Variants in GGA1 observed in about 807,000 individuals in gnomAD.
The protein encoded by GGA1 is golgi associated, gamma adaptin ear containing, ARF binding protein 1.
In GGA1, 18 loss-of-function variants were observed where a neutral mutation model predicts 76.9. The observed-to-expected ratio is 0.23, with a 90% CI of 0.16 to 0.35. GGA1 has a LOEUF of 0.35. GGA1 is among the 10% of genes least tolerant of loss of function. The pLI, the probability that GGA1 is intolerant of heterozygous loss-of-function variation, is 1.00. For missense variants in GGA1, 755 were observed against 859.0 expected, an observed-to-expected ratio of 0.88 and a Z score of 1.51; for synonymous variants, 342 against 354.7, an observed-to-expected ratio of 0.96 and a Z score of 0.40.
Position 37,608,887 on chromosome 22 carries a change from T to G in GGA1, c.27T>G (p.Thr9=), listed in dbSNP as rs1281450253. 5 of 1,313,006 alleles carry G rather than the reference T, an allele frequency of 3.8e-6. No homozygotes were observed. The highest frequency in any genetic ancestry group is 4.8e-6 in the Non-Finnish European group (5 of 1,031,058). 81.3% of individuals were successfully genotyped at this position (1,313,006 alleles called of 1,614,324 possible). A position where few individuals can be genotyped will look rare whatever the true frequency, so the allele number is the denominator to read the frequency against. The change falls in exon 1 of 17, where the codon ACT becomes ACG. Residue 9 remains threonine, a synonymous_variant. Transcript: ENST00000343632. The part of the protein sequence containing the change: MEPAMEPE[T]LEARINRATN... ...TGGAGCCCGCGATGGAGCCGGAGAC[T>G]CTGGAGGCGCGAATCAGTGAGTGTC...
intron 13 of GGA1, 199 bp downstream of exon 13, chr22:37,630,369 TC>T (rs1157557306): frequency 2.1e-5 from 11 of 526,580 alleles, no homozygotes; most frequent in East Asian, 6.9e-5. Context: ...TGGCCTGGCC[TC>T]CCCCCAGGTG....
intron 12 of GGA1, 70 bp downstream of exon 12, chr22:37,629,596 TG>T: frequency 1.0e-6 from 1 of 1,004,722 alleles, no homozygotes; most frequent in African/African-American, 1.7e-5. Context: ...ACAAGTGGCC[TG>T]GAGAAACTAA....
intron 13 of GGA1, 70 bp downstream of exon 13, chr22:37,630,240 G>T: frequency 8.2e-7 from 1 of 1,215,520 alleles, no homozygotes. Context: ...AACTTCTCCT[G>T]GGCTTGTCCA....
In GGA1 at chr22:37,629,442, C is replaced by G; in HGVS notation, c.1094-20C>G. 2 of 1,582,118 alleles carry G rather than the reference C, an allele frequency of 1.3e-6. No homozygotes were observed. The highest frequency in any genetic ancestry group is 1.7e-6 in the Non-Finnish European group (2 of 1,160,370). On this transcript the variant is annotated intron_variant, in intron 11 of 16. Transcript: ENST00000343632. ...CAGGGTCAGCCCAGCTCCTTCACCT[C>G]TCTCCTGCTTTCCCCTCAGGCCTCA...
Position 37,632,367 on chromosome 22 carries a change from C to A in GGA1, c.1699-38C>A. On this transcript the variant is annotated intron_variant, in intron 15 of 16. Transcript: ENST00000343632. The surrounding 1 kb of genome is among the most constrained non-coding windows in gnomAD (Gnocchi z 5.1). ...TGGTTCCTCAGAGCAGGACAAGCAG[C>A]CAGGGCTAGCTGTGCCCATCCTGCC... 1 of 1,464,910 alleles carries A rather than the reference C, an allele frequency of 6.8e-7. No homozygotes were observed. The highest frequency in any genetic ancestry group is 9.6e-7 in the Non-Finnish European group (1 of 1,044,384). The allele number at this position is 1,464,910 out of a possible 1,614,324, so 90.7% of individuals were successfully genotyped here. A position where few individuals can be genotyped will look rare whatever the true frequency, so the allele number is the denominator to read the frequency against.
intron 1 of GGA1, 30 bp downstream of exon 1, chr22:37,608,933 C>G: frequency 7.6e-7 from 1 of 1,321,706 alleles, no homozygotes. Flanking sequence ...GCGGGCCGGA[C>G]CGGAACCGGA....
At chr22:37,615,306 G>A (rs750305479) in intron 2 of GGA1, among the ~76,000 whole-genome samples, 7 of 151,268 alleles carry the variant, frequency 4.6e-5, no homozygotes, top group African/African-American at 1.2e-4. Flanking sequence ...AAAATTAGCC[G>A]GGCATGGTGG....
chr22:37,622,977 AAGGGCAAACACAAGG>A (rs1389413439), intron 7 of GGA1, among the ~76,000 whole-genome samples: 3 of 152,220 alleles, frequency 2.0e-5, no homozygotes, highest in African/African-American at 7.2e-5. Context: ...CCTCCTTTGA[AAGGGCAAACACAAGG>A]AGGGCAAGAG....
At position 37,619,373 on chromosome 22, in the gene GGA1, G is replaced by A. The variant is rs533351910; in HGVS notation, c.303+827G>A. On this transcript the variant is annotated intron_variant, in intron 4 of 16. Coordinates refer to ENST00000343632, the MANE Select transcript of GGA1 (RefSeq NM_013365.5). Reference sequence around the variant, plus strand: ...AGCCACCATGCCCGGCCTACCTACCGTGAACATTTTTTTTTTTTTTTTGAC... The same window carrying A: ...AGCCACCATGCCCGGCCTACCTACCATGAACATTTTTTTTTTTTTTTTGAC... Among the ~76,000 whole-genome samples, 17 of 143,346 alleles carry A rather than the reference G, an allele frequency of 1.2e-4. 1 individual carries two copies. The highest frequency in any genetic ancestry group is 8.5e-4 in the Admixed American group (12 of 14,120). The allele number at this position is 143,346 out of a possible 152,430, so 94.0% of individuals were successfully genotyped here.
In GGA1 at chr22:37,608,860, G is replaced by A; in HGVS notation, c.-1G>A. 2 of 1,307,900 alleles carry A rather than the reference G, an allele frequency of 1.5e-6. No individual in the cohort carries two copies. The highest frequency in any genetic ancestry group is 9.7e-7 in the Non-Finnish European group (1 of 1,029,454). 81.0% of individuals were successfully genotyped at this position (1,307,900 alleles called of 1,614,324 possible). A position where few individuals can be genotyped will look rare whatever the true frequency, so the allele number is the denominator to read the frequency against. On this transcript the variant is annotated 5_prime_UTR_variant, in exon 1 of 17. Transcript: ENST00000343632. ...GTGCCGAGGCTGGGGGCCGGTGGCGGATGGAGCCCGCGATGGAGCCGGAGA... is the reference window on the plus strand; with the variant it reads ...GTGCCGAGGCTGGGGGCCGGTGGCGAATGGAGCCCGCGATGGAGCCGGAGA...
At chr22:37,630,699 T>G (rs1931646120) in intron 13 of GGA1, 1 of 558,740 alleles carries the variant, frequency 1.8e-6, no homozygotes, top group African/African-American at 1.9e-5. Flanking sequence ...CCTGAGTAGC[T>G]GGGACCACAG....
chr22:37,620,761 A>G lies in GGA1; in HGVS notation c.428-52A>G, dbSNP rs1056658305. The G allele has an allele frequency of 1.1e-4, 117 of 1,108,908 alleles. No homozygotes were observed. The South Asian group carries it at 1.1e-3, about 11-fold the overall frequency. 68.7% of individuals were successfully genotyped at this position (1,108,908 alleles called of 1,614,324 possible). A position where few individuals can be genotyped will look rare whatever the true frequency, so the allele number is the denominator to read the frequency against. On this transcript the variant is annotated intron_variant, in intron 5 of 16. Coordinates refer to ENST00000343632, the MANE Select transcript of GGA1 (RefSeq NM_013365.5). ...CTGCCCCCATCCCCATGTCACCCCT[A>G]CCCCTGGGCCTGGGACATATTGACA...
intron 6 of GGA1, among the ~76,000 whole-genome samples, chr22:37,621,340 A>G (rs1929852989): frequency 1.3e-5 from 2 of 152,184 alleles, no homozygotes; most frequent in South Asian, 2.1e-4. Flanking sequence ...GTTCTTGTAC[A>G]TTGTCCCAGA....
intron 5 of GGA1, 74 bp from the exon 6 acceptor site, chr22:37,620,739 C>T (rs563435052): frequency 3.3e-6 from 3 of 910,722 alleles, no homozygotes; most frequent in South Asian, 2.6e-5. Context: ...CCCTTGCCTG[C>T]CCCCATCCCC....
At position 37,623,821 on chromosome 22, in the gene GGA1, G is replaced by A; in HGVS notation, c.832+188G>A. 1 of 579,688 alleles carries A rather than the reference G, an allele frequency of 1.7e-6. No individual in the cohort carries two copies. The highest frequency in any genetic ancestry group is 2.0e-5 in the South Asian group (1 of 50,078). The allele number at this position is 579,688 out of a possible 1,614,324, so 35.9% of individuals were successfully genotyped here. A position where few individuals can be genotyped will look rare whatever the true frequency, so the allele number is the denominator to read the frequency against. ...AGCAGGGGCCGCCCCCCTGTTGAGA[G>A]GCCCTGTGGGCCAGCCCCCTTAACA... On this transcript the variant is annotated intron_variant, in intron 9 of 16. Coordinates refer to ENST00000343632, the MANE Select transcript of GGA1 (RefSeq NM_013365.5). The surrounding 1 kb of genome is among the most constrained non-coding windows in gnomAD (Gnocchi z 4.6).
At chr22:37,610,804 G>A (rs945420752) in intron 1 of GGA1, 1 of 152,266 alleles carries the variant, frequency 6.6e-6, no homozygotes, top group Admixed American at 6.5e-5. Flanking sequence ...TGCCTGCTAG[G>A]GAGGGTACTC....
At position 37,623,699 on chromosome 22, in the gene GGA1, C is replaced by T. The variant is rs1930311563; in HGVS notation, c.832+66C>T. 1.8e-6 allele frequency: 2 copies of T among 1,131,790 alleles called. No individual in the cohort carries two copies. Among genetic ancestry groups the T allele is most frequent in the Admixed American group, 2.0e-5 (1 of 49,620 alleles). The allele number at this position is 1,131,790 out of a possible 1,614,324, so 70.1% of individuals were successfully genotyped here. A position where few individuals can be genotyped will look rare whatever the true frequency, so the allele number is the denominator to read the frequency against. Reference sequence around the variant, plus strand: ...CCCTCCACCTCCTGCCCCCACCTCCCCCAGGCCCTGCTAAGTATCTGCAGT... The same window carrying T: ...CCCTCCACCTCCTGCCCCCACCTCCTCCAGGCCCTGCTAAGTATCTGCAGT... On this transcript the variant is annotated intron_variant, in intron 9 of 16. Coordinates refer to ENST00000343632, the MANE Select transcript of GGA1 (RefSeq NM_013365.5). This position sits in a 1 kb window ranked among gnomAD's most constrained non-coding sequence, Gnocchi z 4.6.
At chr22:37,618,607 C>G in intron 4 of GGA1, 61 bp downstream of exon 4, 1 of 1,047,690 alleles carries the variant, frequency 9.5e-7, no homozygotes, top group Non-Finnish European at 1.5e-6. Flanking sequence ...GGAAAGAGGA[C>G]CTTCAGATTG....
rs2294972 is a variant in GGA1 at position 37,614,028 on chromosome 22, A to T, written c.44-162A>T. On this transcript the variant is annotated intron_variant, in intron 1 of 16. Transcript: ENST00000343632. ...GCTCATCTGTCTGTCTACACCCACA[A>T]TCAGGTCTTGAGGCTGTCTGGGCAG... The T allele has an allele frequency of 1.6e-5, 10 of 619,722 alleles. No individual in the cohort carries two copies. The East Asian group carries it at 2.0e-4, about 12-fold the overall frequency. 38.4% of individuals were successfully genotyped at this position (619,722 alleles called of 1,614,324 possible).
Sources: allele counts gnomAD v4.1 joint callset (sites outside exome capture counted in the v4.1 genomes callset), GRCh38; gene constraint gnomAD v4.1.1; non-coding constraint Gnocchi (gnomAD v3.1); transcripts MANE v1.5; gene names NCBI Gene and HGNC (gene_info 2026-07-23, HGNC 2026-07-21).